The following PDIA5 variants were observed in gnomAD, a reference collection of about 807,000 sequenced individuals.
The protein encoded by PDIA5 is protein disulfide-isomerase A5.
A neutral mutation model predicts 77.6 loss-of-function variants in PDIA5; 58 were observed. The observed-to-expected ratio is 0.75, with a 90% CI of 0.61 to 0.93. PDIA5 has a LOEUF of 0.93. Among genes scored for constraint, PDIA5 ranks in the 40% least tolerant of loss-of-function variants. The pLI, the probability that PDIA5 is intolerant of heterozygous loss-of-function variation, is 0.00. For synonymous variants in PDIA5, 250 were observed against 252.1 expected, an observed-to-expected ratio of 0.99 and a Z score of 0.08; for missense variants, 630 against 647.7, an observed-to-expected ratio of 0.97 and a Z score of 0.30.
At chr3:123,107,460 C>A (rs1934764044) in intron 6 of PDIA5, among the ~76,000 whole-genome samples, 1 of 152,096 alleles carries the variant, frequency 6.6e-6, no homozygotes, top group East Asian at 1.9e-4. Flanking sequence ...GAGGCCGAGG[C>A]AGGAGGATCG....
intron 1 of PDIA5, among the ~76,000 whole-genome samples, chr3:123,072,515 C>T (rs1281928734): frequency 2.6e-5 from 4 of 152,102 alleles, no homozygotes; most frequent in Admixed American, 2.6e-4. Context: ...GTACGGGTAC[C>T]CCTGTGCAGC....
intron 11 of PDIA5, among the ~76,000 whole-genome samples, chr3:123,137,416 C>T (rs537381975): frequency 6.6e-6 from 1 of 152,222 alleles, no homozygotes; most frequent in South Asian, 2.1e-4. Context: ...AGATATTAAT[C>T]TTTATCTGTT....
chr3:123,082,725 C>T (rs1934041138), intron 1 of PDIA5, among the ~76,000 whole-genome samples: 1 of 152,158 alleles, frequency 6.6e-6, no homozygotes, highest in Non-Finnish European at 1.5e-5. Context: ...TGTGCTTCTG[C>T]ATGCCAAACA....
intron 10 of PDIA5, among the ~76,000 whole-genome samples, chr3:123,127,008 A>G (rs1935257234): frequency 6.6e-6 from 1 of 152,240 alleles, no homozygotes; most frequent in Admixed American, 6.5e-5. Context: ...GGGCTAGCAG[A>G]CAGGTGGAGG....
intron 13 of PDIA5, among the ~76,000 whole-genome samples, chr3:123,149,583 G>A (rs1427873441): frequency 1.3e-5 from 2 of 151,876 alleles, no homozygotes; most frequent in Admixed American, 1.3e-4. Flanking sequence ...AGACTGAGAA[G>A]CAATAACATT....
intron 1 of PDIA5, among the ~76,000 whole-genome samples, chr3:123,086,442 G>A (rs1327808062): frequency 1.3e-5 from 2 of 152,184 alleles, no homozygotes; most frequent in African/African-American, 2.4e-5. Context: ...CTGAGAAGGC[G>A]TGACTCATAT....
intron 15 of PDIA5, among the ~76,000 whole-genome samples, chr3:123,160,147 G>A (rs1178496700): frequency 6.6e-6 from 1 of 152,186 alleles, no homozygotes; most frequent in African/African-American, 2.4e-5. Context: ...TTGGCACACG[G>A]CAGGGTTTCA....
chr3:123,148,728 T>C (rs1935821516), intron 13 of PDIA5, among the ~76,000 whole-genome samples: 1 of 152,232 alleles, frequency 6.6e-6, no homozygotes, highest in Non-Finnish European at 1.5e-5. Context: ...CCAGAGTTTT[T>C]AATTCCTATT....
At chr3:123,129,428 A>G (rs1160260089) in intron 10 of PDIA5, among the ~76,000 whole-genome samples, 1 of 152,220 alleles carries the variant, frequency 6.6e-6, no homozygotes, top group Admixed American at 6.5e-5. Context: ...TGCGGAGGGA[A>G]GTGGGTGGCA....
chr3:123,129,029 C>T (rs1442410493), intron 10 of PDIA5, among the ~76,000 whole-genome samples: 1 of 150,982 alleles, frequency 6.6e-6, no homozygotes, highest in African/African-American at 2.4e-5. Context: ...AGATGGACAG[C>T]AGTTTACCTA....
At chr3:123,070,105 GA>G in intron 1 of PDIA5, among the ~76,000 whole-genome samples, 1 of 139,456 alleles carries the variant, frequency 7.2e-6, no homozygotes, top group Admixed American at 6.9e-5. Flanking sequence ...AAAAAAAAAA[GA>G]AGAAGAAGAA....
Position 123,150,358 on chromosome 3 carries a change from G to A in PDIA5, c.1267G>A (p.Ala423Thr), listed in dbSNP as rs200676202. 182 of 1,613,368 alleles carry A rather than the reference G, an allele frequency of 1.1e-4. No homozygotes were observed. The East Asian group carries it at 3.3e-3, about 29-fold the overall frequency. The change falls in exon 14 of 17, where the codon GCC (alanine) becomes ACC (threonine). Residue 423 changes from alanine (A) to threonine (T), a missense_variant. Ala to Thr is a moderately conservative substitution (Grantham distance 58). Coordinates refer to ENST00000316218, the MANE Select transcript of PDIA5 (RefSeq NM_006810.4). ...GAAACACACCTTGGTCATGTTCTACGCCCCTTGTAAGTAGCTTGGGTGCTC... is the reference window on the plus strand; with the variant it reads ...GAAACACACCTTGGTCATGTTCTACACCCCTTGTAAGTAGCTTGGGTGCTC... ...KKKHTLVMFY[A>T]PWCPHCKKVI...
chr3:123,118,381 G>C (rs1935040064), intron 8 of PDIA5, among the ~76,000 whole-genome samples: 2 of 152,164 alleles, frequency 1.3e-5, no homozygotes, highest in Non-Finnish European at 2.9e-5. Context: ...CATACACTTA[G>C]AAATCTGCTC....
In PDIA5 at chr3:123,137,017, T is replaced by C. The variant is rs544608620; in HGVS notation, c.910+6401T>C. On this transcript the variant is annotated intron_variant, in intron 11 of 16. Coordinates refer to ENST00000316218, the MANE Select transcript of PDIA5 (RefSeq NM_006810.4). ...CACTATTCAAACAATACAGTGAGCA[T>C]TGGTAAACATATATAATTGGGAAAA... is the stretch of plus-strand genomic sequence containing the variant. Among the ~76,000 whole-genome samples, 6 of 152,358 alleles carry C rather than the reference T, an allele frequency of 3.9e-5. No individual in the cohort carries two copies. In the South Asian group the frequency reaches 1.2e-3, roughly 32 times the overall value.
chr3:123,099,378 G>A (rs141865207), intron 3 of PDIA5, among the ~76,000 whole-genome samples: 1,540 of 152,302 alleles, frequency 0.01, 20 homozygotes, highest in African/African-American at 0.035. Flanking sequence ...TTGGCTTCAC[G>A]GAGCACATGT....
chr3:123,135,800 C>A (rs1216312771), intron 11 of PDIA5, among the ~76,000 whole-genome samples: 4 of 33,458 alleles, frequency 1.2e-4, no homozygotes, highest in Non-Finnish European at 2.4e-4. Context: ...TAGTCTTTTT[C>A]ATTTTTTTGG....
chr3:123,143,458 A>G (rs1452758662), intron 11 of PDIA5, among the ~76,000 whole-genome samples: 2 of 150,842 alleles, frequency 1.3e-5, no homozygotes, highest in Non-Finnish European at 2.9e-5. Flanking sequence ...TAGTGTGGGT[A>G]CAATATGTAA....
intron 13 of PDIA5, 108 bp from the exon 14 acceptor site, chr3:123,150,126 T>G (rs1935854641): frequency 1.3e-6 from 1 of 752,304 alleles, no homozygotes. Flanking sequence ...TTGTAGTGGT[T>G]TCTTCATGCA....
intron 3 of PDIA5, among the ~76,000 whole-genome samples, chr3:123,095,391 TGAA>T (rs1934406644): frequency 1.3e-5 from 2 of 152,142 alleles, no homozygotes; most frequent in Admixed American, 6.5e-5. Context: ...AGGATGAACC[TGAA>T]GAAGGTTTTG....
Sources: allele counts gnomAD v4.1 joint callset (sites outside exome capture counted in the v4.1 genomes callset), GRCh38; gene constraint gnomAD v4.1.1; transcripts MANE v1.5; gene names NCBI Gene and HGNC (gene_info 2026-07-23, HGNC 2026-07-21).